HPSE2: variants seen among roughly 807,000 people sequenced by gnomAD.
The protein encoded by HPSE2 is inactive heparanase-2.
A neutral mutation model predicts 60.5 loss-of-function variants in HPSE2; 38 were observed. The ratio of observed to expected loss-of-function variants is 0.63; its 90% confidence interval spans 0.48 to 0.82. The LOEUF is 0.82. Ranked by LOEUF, HPSE2 falls within the 40% of genes least tolerant of loss-of-function variation. The pLI is 0.00. For missense variants in HPSE2, 713 were observed against 740.4 expected, an observed-to-expected ratio of 0.96 and a Z score of 0.43; for synonymous variants, 295 against 293.2, an observed-to-expected ratio of 1.01 and a Z score of -0.06.
At chr10:99,079,483 C>G (rs1451956945) in intron 3 of HPSE2, among the ~76,000 whole-genome samples, 2 of 152,064 alleles carry the variant, frequency 1.3e-5, no homozygotes, top group African/African-American at 4.8e-5. Flanking sequence ...TGGTCAAACT[C>G]TATCTCATCC....
chr10:99,312,220 T>TG, the HPSE2 span, among the ~76,000 whole-genome samples: 1 of 152,224 alleles, frequency 6.6e-6, no homozygotes, highest in Non-Finnish European at 1.5e-5. Flanking sequence ...CTGATGAAGG[T>TG]GGCTACACTA....
chr10:98,895,896 G>A (rs1953474845), intron 3 of HPSE2, among the ~76,000 whole-genome samples: 2 of 135,064 alleles, frequency 1.5e-5, no homozygotes, highest in African/African-American at 5.6e-5. Context: ...GAGAACACAT[G>A]GACACAGGAA....
the HPSE2 span, among the ~76,000 whole-genome samples, chr10:99,250,962 G>T: frequency 6.6e-6 from 1 of 151,914 alleles, no homozygotes. Flanking sequence ...AGAAAAACAA[G>T]AACTCCAAAG....
rs71488004 is a variant in HPSE2, at chr10:99,157,461, A to G, written c.449-13062T>C. On this transcript the variant is annotated intron_variant, in intron 2 of 11. Coordinates refer to ENST00000370552, the MANE Select transcript of HPSE2 (RefSeq NM_021828.5). The stretch of plus-strand genomic sequence containing the variant: ...GAAATAACGCCACATATCTACAACT[A>G]TCTGATCTTTGACAAACCTGAGAAA... 1.4e-4 allele frequency among the ~76,000 whole-genome samples: 13 copies of G among 95,328 alleles called. 1 individual carries two copies. The highest frequency in any genetic ancestry group is 2.9e-4 in the Non-Finnish European group (13 of 45,092). The allele number at this position is 95,328 out of a possible 152,430, so 62.5% of individuals were successfully genotyped here. A position where few individuals can be genotyped will look rare whatever the true frequency, so the allele number is the denominator to read the frequency against.
At chr10:98,677,110 A>G (rs1014065057) in intron 6 of HPSE2, among the ~76,000 whole-genome samples, 2 of 152,210 alleles carry the variant, frequency 1.3e-5, no homozygotes, top group Non-Finnish European at 2.9e-5. Context: ...TTCAGAAGAA[A>G]GAAAATAAGC....
intron 5 of HPSE2, among the ~76,000 whole-genome samples, chr10:98,711,137 G>T (rs1948667148): frequency 6.6e-6 from 1 of 152,084 alleles, no homozygotes; most frequent in Non-Finnish European, 1.5e-5. Context: ...GGAGCTGGAA[G>T]GTGCTGGTTA....
chr10:98,462,314 G>A (rs1940328474), intron 11 of HPSE2, among the ~76,000 whole-genome samples: 1 of 152,138 alleles, frequency 6.6e-6, no homozygotes, highest in African/African-American at 2.4e-5. Context: ...GAGTAGCTGG[G>A]ACTACAGGCA....
At chr10:98,560,696 AAAGATG>A (rs1185236811) in intron 9 of HPSE2, among the ~76,000 whole-genome samples, 1 of 152,248 alleles carries the variant, frequency 6.6e-6, no homozygotes, top group Admixed American at 6.5e-5. Context: ...TGCACTGCAT[AAAGATG>A]TTTCAGTCAA....
At chr10:98,638,322 G>A (rs1946552996) in intron 7 of HPSE2, among the ~76,000 whole-genome samples, 1 of 151,592 alleles carries the variant, frequency 6.6e-6, no homozygotes, top group African/African-American at 2.4e-5. Context: ...GCGGGCGCCT[G>A]TAGTCCCAGC....
intron 5 of HPSE2, among the ~76,000 whole-genome samples, chr10:98,706,710 A>C (rs543974981): frequency 6.6e-6 from 1 of 152,286 alleles, no homozygotes; most frequent in East Asian, 1.9e-4. Flanking sequence ...CAAAACAAGG[A>C]AGAGTCAAAA....
At chr10:98,690,399 G>A (rs1180052774) in intron 6 of HPSE2, among the ~76,000 whole-genome samples, 1 of 152,138 alleles carries the variant, frequency 6.6e-6, no homozygotes, top group Non-Finnish European at 1.5e-5. Context: ...AAATTAGCCT[G>A]GCGTGGTGGT....
chr10:99,027,522 T>C (rs1957405105), intron 3 of HPSE2, among the ~76,000 whole-genome samples: 1 of 152,182 alleles, frequency 6.6e-6, no homozygotes, highest in Admixed American at 6.5e-5. Context: ...TGATGAATTC[T>C]ACAAAACATT....
the HPSE2 span, among the ~76,000 whole-genome samples, chr10:99,285,245 T>C: frequency 6.6e-6 from 1 of 150,842 alleles, no homozygotes; most frequent in Non-Finnish European, 1.5e-5. Context: ...CCTGGCAACA[T>C]GGTGAGACCC....
chr10:98,794,442 A>G (rs918039737), intron 3 of HPSE2, among the ~76,000 whole-genome samples: 5 of 152,124 alleles, frequency 3.3e-5, no homozygotes, highest in Middle Eastern at 3.4e-3. Context: ...ATGGAGTTTC[A>G]CTATGTTGGC....
At chr10:99,226,985 T>C (rs1849494607) in intron 2 of HPSE2, among the ~76,000 whole-genome samples, 1 of 152,054 alleles carries the variant, frequency 6.6e-6, no homozygotes, top group Non-Finnish European at 1.5e-5. Context: ...CAGTACATAC[T>C]TATTAAATGT....
rs564581711 is a variant in HPSE2, at chr10:98,937,979, G to A, written c.611-193923C>T. Among the ~76,000 whole-genome samples, 144 of 143,674 alleles carry A rather than the reference G, an allele frequency of 1.0e-3. 24 individuals carry two copies. The highest frequency in any genetic ancestry group is 3.9e-3 in the African/African-American group (137 of 35,212). 94.3% of individuals were successfully genotyped at this position (143,674 alleles called of 152,430 possible). ...CCTCTGCTGATACCCAGGCAAACAG[G>A]GTCTGGAGTGGACCTCTAGCAAACT... On this transcript the variant is annotated intron_variant, in intron 3 of 11. Coordinates refer to ENST00000370552, the MANE Select transcript of HPSE2 (RefSeq NM_021828.5).
chr10:98,799,999 T>G (rs966784553), intron 3 of HPSE2, among the ~76,000 whole-genome samples: 1 of 152,128 alleles, frequency 6.6e-6, no homozygotes, highest in African/African-American at 2.4e-5. Flanking sequence ...AAAAAGTTGT[T>G]TTTTTGAAAA....
rs574200434 is a variant in HPSE2 at position 98,692,391 on chromosome 10, C to T, written c.1004+1509G>A. 5.8e-4 allele frequency among the ~76,000 whole-genome samples: 89 copies of T among 152,158 alleles called. 1 individual carries two copies. Among genetic ancestry groups the T allele is most frequent in the Non-Finnish European group, 6.3e-4 (43 of 68,022 alleles). ...GCCAGTGTGGAGAGTTTGGCTTTTG[C>T]TCCAAGTGCAAAGGAGAGACATTGT... On this transcript the variant is annotated intron_variant, in intron 6 of 11. Transcript: ENST00000370552.
At chr10:98,633,709 C>G (rs1006644927) in intron 7 of HPSE2, among the ~76,000 whole-genome samples, 5 of 152,158 alleles carry the variant, frequency 3.3e-5, no homozygotes, top group Non-Finnish European at 7.3e-5. Context: ...GAGTCAAAAG[C>G]TGTAAATGAA....
Sources: gnomAD v4.1 joint callset for allele counts (sites outside exome capture counted in the v4.1 genomes callset) on GRCh38, gnomAD v4.1.1 for gene constraint, MANE v1.5 for transcripts, NCBI Gene and HGNC (gene_info 2026-07-23, HGNC 2026-07-21) for gene names.